ADAMTS17: variants seen among roughly 807,000 people sequenced by gnomAD.
The protein encoded by ADAMTS17 is ADAM metallopeptidase with thrombospondin type 1 motif 17, also known as A disintegrin and metalloproteinase with thrombospondin motifs 17.
A neutral mutation model predicts 141.5 loss-of-function variants in ADAMTS17; 113 were observed. That is an observed-to-expected ratio of 0.80 (90% CI 0.69 to 0.93). The LOEUF is 0.93. ADAMTS17 is among the 40% of genes least tolerant of loss of function. The pLI is 0.00. For synonymous variants in ADAMTS17, 768 were observed against 630.6 expected (o/e 1.22, Z -3.27); for missense variants, 1,659 against 1,517.9 (o/e 1.09, Z -1.54).
chr15:100,220,401 T>C (rs1596306356), intron 7 of ADAMTS17, among the ~76,000 whole-genome samples: 2 of 152,342 alleles, frequency 1.3e-5, no homozygotes, highest in Non-Finnish European at 2.9e-5. Flanking sequence ...TGTGAAAATA[T>C]TCAAACACAG....
chr15:100,096,373 C>T lies in ADAMTS17; in HGVS notation c.2120G>A (p.Ser707Asn). ...KTCHLVKGDF[S>N]HARGTALKDS... is the part of the protein sequence containing the mutation. ...ACACTCACCTGTCCCCCGGGCGTGG[C>T]TGAAGTCGCCCTTCACCAAGTGGCA... The change falls in exon 15 of 22, where the codon AGC becomes AAC. Residue 707 changes from serine to asparagine, a missense_variant. Coordinates refer to ENST00000268070, the MANE Select transcript of ADAMTS17 (RefSeq NM_139057.4). 6.2e-7 allele frequency: 1 copy of T among 1,614,004 alleles called. No homozygotes were observed. Among genetic ancestry groups the T allele is most frequent in the East Asian group, 2.2e-5 (1 of 44,880 alleles).
intron 15 of ADAMTS17, among the ~76,000 whole-genome samples, chr15:100,084,064 G>A (rs2034927885): frequency 6.6e-6 from 1 of 152,146 alleles, no homozygotes; most frequent in South Asian, 2.1e-4. Flanking sequence ...CCCGGGAAGT[G>A]AAAGGGGTCA....
chr15:100,091,465 T>A (rs1182919731), intron 15 of ADAMTS17, among the ~76,000 whole-genome samples: 1 of 152,162 alleles, frequency 6.6e-6, no homozygotes, highest in Non-Finnish European at 1.5e-5. Flanking sequence ...TTTGCCGTGG[T>A]TCCAGGAGAA....
intron 15 of ADAMTS17, among the ~76,000 whole-genome samples, chr15:100,082,541 G>A (rs892688427): frequency 4.0e-5 from 6 of 151,736 alleles, no homozygotes; most frequent in Non-Finnish European, 7.4e-5. Context: ...ACACACCACC[G>A]TGTCTACCTG....
intron 3 of ADAMTS17, among the ~76,000 whole-genome samples, chr15:100,309,029 G>A (rs1322967523): frequency 6.6e-6 from 1 of 152,200 alleles, no homozygotes; most frequent in Non-Finnish European, 1.5e-5. Flanking sequence ...CAACAACATG[G>A]TCCTCATTCT....
intron 18 of ADAMTS17, among the ~76,000 whole-genome samples, chr15:100,005,668 C>T (rs949266400): frequency 2.0e-5 from 3 of 152,164 alleles, no homozygotes; most frequent in Admixed American, 2.0e-4. Context: ...ATCAGTTGGC[C>T]TTAAAATTTG....
At chr15:100,329,244 G>A (rs1046511104) in intron 3 of ADAMTS17, among the ~76,000 whole-genome samples, 1 of 152,114 alleles carries the variant, frequency 6.6e-6, no homozygotes, top group African/African-American at 2.4e-5. Flanking sequence ...GTTAAAAATA[G>A]CACACTGCAG....
rs369831239 is a variant in ADAMTS17, at chr15:99,974,388, C to T, written c.*14G>A. 3.1e-6 allele frequency: 5 copies of T among 1,613,924 alleles called. No homozygotes were observed. Among genetic ancestry groups the T allele is most frequent in the African/African-American group, 1.3e-5 (1 of 74,934 alleles). On this transcript the variant is annotated 3_prime_UTR_variant, in exon 22 of 22. Coordinates refer to ENST00000268070, the MANE Select transcript of ADAMTS17 (RefSeq NM_139057.4). The stretch of plus-strand genomic sequence containing the variant: ...ACCTGAGTCTGAGCTTTGAGCGACC[C>T]TTGGGACTGCGTGTCACGAGTTCGG...
chr15:100,014,232 C>T (rs2061244279), intron 18 of ADAMTS17, among the ~76,000 whole-genome samples: 1 of 152,138 alleles, frequency 6.6e-6, no homozygotes. Flanking sequence ...GTTGTAATAT[C>T]TCCTATTTTA....
intron 3 of ADAMTS17, among the ~76,000 whole-genome samples, chr15:100,298,355 T>C (rs1596472986): frequency 2.0e-5 from 3 of 152,244 alleles, no homozygotes; most frequent in Admixed American, 1.3e-4. Flanking sequence ...AGGCTTCTAC[T>C]GCACTCATAC....
chr15:100,174,250 T>C (rs1350207743), intron 8 of ADAMTS17, among the ~76,000 whole-genome samples: 1 of 152,088 alleles, frequency 6.6e-6, no homozygotes, highest in Non-Finnish European at 1.5e-5. Flanking sequence ...ATTCCCAATT[T>C]TGGGTGAGAC....
intron 7 of ADAMTS17, among the ~76,000 whole-genome samples, chr15:100,249,009 G>C (rs2043070288): frequency 6.6e-6 from 1 of 151,948 alleles, no homozygotes. Context: ...ATGTTGATCA[G>C]GCTGGTCTCA....
rs555159060 is a variant in ADAMTS17 at position 100,118,953 on chromosome 15, G to C, written c.1722-1940C>G. Among the ~76,000 whole-genome samples, 12 of 152,168 alleles carry C rather than the reference G, an allele frequency of 7.9e-5. No individual in the cohort carries two copies. The East Asian group carries it at 2.1e-3, about 27-fold the overall frequency. On this transcript the variant is annotated intron_variant, in intron 12 of 21. Transcript: ENST00000268070. ...TTGGAAACAGGGTCAACAGGGCACA[G>C]ACAAAATTAGTTAAAATGAGGCTAT...
chr15:100,237,240 G>C (rs34094901), intron 7 of ADAMTS17, among the ~76,000 whole-genome samples: 12,364 of 152,212 alleles, frequency 0.081, 658 homozygotes, highest in East Asian at 0.14. Context: ...CTCCATGTGA[G>C]GGCCGAGGTC....
At position 100,006,691 on chromosome 15, in the gene ADAMTS17, G is replaced by C. The variant is rs571569612; in HGVS notation, c.2592-9102C>G. Among the ~76,000 whole-genome samples, 256 of 152,370 alleles carry C rather than the reference G, an allele frequency of 1.7e-3. 1 individual carries two copies. The highest frequency in any genetic ancestry group is 3.1e-3 in the South Asian group (15 of 4,832). The stretch of plus-strand genomic sequence containing the variant: ...GTGCCTCCTCAGAATGGGCGCAAAA[G>C]AAGGCGCTGGTATCGACTGAGTGTC... On this transcript the variant is annotated intron_variant, in intron 18 of 21. Transcript: ENST00000268070.
chr15:100,144,390 A>C (rs1422753186), intron 10 of ADAMTS17, among the ~76,000 whole-genome samples: 1 of 152,054 alleles, frequency 6.6e-6, no homozygotes, highest in African/African-American at 2.4e-5. Flanking sequence ...TCTCTACTAA[A>C]AATACAAAAA....
intron 13 of ADAMTS17, 53 bp downstream of exon 13, chr15:100,116,794 T>C (rs1313643411): frequency 6.2e-7 from 1 of 1,612,866 alleles, no homozygotes; most frequent in East Asian, 2.2e-5. Flanking sequence ...GGTTTTTATA[T>C]TCTTAGGGGA....
At chr15:100,147,725 T>A (rs1396204933) in intron 10 of ADAMTS17, among the ~76,000 whole-genome samples, 1 of 152,210 alleles carries the variant, frequency 6.6e-6, no homozygotes, top group African/African-American at 2.4e-5. Context: ...TGTACGAATG[T>A]CATACCTTTT....
At chr15:99,977,107 T>C (rs1206731367) in intron 20 of ADAMTS17, among the ~76,000 whole-genome samples, 1 of 151,896 alleles carries the variant, frequency 6.6e-6, no homozygotes, top group African/African-American at 2.4e-5. Context: ...GCCTGGAGGA[T>C]TGGGGCTTAG....
Sources: allele counts gnomAD v4.1 joint callset (sites outside exome capture counted in the v4.1 genomes callset), GRCh38; gene constraint gnomAD v4.1.1; transcripts MANE v1.5; gene names NCBI Gene and HGNC (gene_info 2026-07-23, HGNC 2026-07-21).